Variants in DUOX1 observed in about 807,000 individuals in gnomAD.
DUOX1 encodes the protein dual oxidase 1.
DUOX1 carries 134 observed loss-of-function variants against 181.8 expected under a neutral mutation model. That is an observed-to-expected ratio of 0.74 (90% CI 0.64 to 0.85). The LOEUF (loss-of-function observed/expected upper bound fraction) is 0.85, where lower values mean the gene tolerates loss of function less well. Among genes scored for constraint, DUOX1 ranks in the 40% least tolerant of loss-of-function variants. The probability of loss-of-function intolerance (pLI) is 0.00; values close to 1 mark genes in which losing one functional copy is unlikely to be tolerated. For missense variants in DUOX1, 1,814 were observed against 2,064.4 expected (o/e 0.88, Z 2.35); for synonymous variants, 798 against 832.5 (o/e 0.96, Z 0.71).
Position 45,163,882 on chromosome 15 carries a change from G to T in DUOX1, c.4497G>T (p.Glu1499Asp). The change falls in exon 33 of 34, where the codon GAG (glutamate) becomes GAT (aspartate). Residue 1499 changes from glutamate to aspartate, a missense_variant. Coordinates refer to ENST00000389037, the MANE Select transcript of DUOX1 (RefSeq NM_175940.3). ...CCCACTTTGGCCGTCCCCCCTTTGAGCCCTTCTTCAACTCCCTGCAGGAGG... is the reference window on the plus strand; with the variant it reads ...CCCACTTTGGCCGTCCCCCCTTTGATCCCTTCTTCAACTCCCTGCAGGAGG... Reference protein sequence around the residue: ...SITHFGRPPFEPFFNSLQEVH... With the variant: ...SITHFGRPPFDPFFNSLQEVH... 1 of 1,614,098 alleles carries T rather than the reference G, an allele frequency of 6.2e-7. No individual in the cohort carries two copies. The highest frequency in any genetic ancestry group is 8.5e-7 in the Non-Finnish European group (1 of 1,180,012).
At chr15:45,148,679 AC>A (rs1464361852) in intron 21 of DUOX1, 1 of 232,700 alleles carries the variant, frequency 4.3e-6, no homozygotes, top group Non-Finnish European at 7.4e-6. Context: ...GGAGGAAAGG[AC>A]CCAAAAAGGT....
At chr15:45,156,710 C>T (rs7174075) in intron 28 of DUOX1, among the ~76,000 whole-genome samples, 24,907 of 152,150 alleles carry the variant, frequency 0.16, 2,447 homozygotes, top group East Asian at 0.42. Context: ...GGATTACAGG[C>T]GTGAGCCACC....
In DUOX1 at chr15:45,144,117, G is replaced by A. The variant is rs772465380; in HGVS notation, c.2018G>A (p.Gly673Asp). 1 of 1,613,986 alleles carries A rather than the reference G, an allele frequency of 6.2e-7. No individual in the cohort carries two copies. The highest frequency in any genetic ancestry group is 2.2e-5 in the East Asian group (1 of 44,886). Reference sequence around the variant, plus strand: ...CCCGGGCAGATCCGTGTGGTAGATGGCAGGCTCACCGTGCTCCGCACCATC... The same window carrying A: ...CCCGGGCAGATCCGTGTGGTAGATGACAGGCTCACCGTGCTCCGCACCATC... The part of the protein sequence containing the change: ...LQPGQIRVVD[G>D]RLTVLRTIQL... The change falls in exon 17 of 34, where the codon GGC (glycine) becomes GAC (aspartate). Residue 673 changes from glycine (G) to aspartate (D), a missense_variant. By Grantham distance (94) the Gly-to-Asp change is moderately conservative. This residue lies in a region of DUOX1 where 1,064 missense variants were observed against 1,152.9 expected (regional missense o/e 0.92). Coordinates refer to ENST00000389037, the MANE Select transcript of DUOX1 (RefSeq NM_175940.3).
chr15:45,152,872 C>T (rs1206469448), intron 25 of DUOX1: 4 of 399,954 alleles, frequency 1.0e-5, no homozygotes, highest in South Asian at 4.7e-5. Flanking sequence ...CACATGGTTG[C>T]GCACATGGAT....
chr15:45,144,178 G>T lies in DUOX1; in HGVS notation c.2079G>T (p.Leu693=). 1 of 1,614,156 alleles carries T rather than the reference G, an allele frequency of 6.2e-7. No homozygotes were observed. Among genetic ancestry groups the T allele is most frequent in the Non-Finnish European group, 8.5e-7 (1 of 1,180,052 alleles). Residue 693 remains leucine, a synonymous_variant, in exon 17 of 34, where the codon CTG becomes CTT. Coordinates refer to ENST00000389037, the MANE Select transcript of DUOX1 (RefSeq NM_175940.3). ...LQPPQKVNFV[L]SSNRGRRTLL... The stretch of plus-strand genomic sequence containing the variant: ...CTCCACAGAAGGTCAACTTCGTCCT[G>T]TCCAGCAACCGTGGACGCCGCACTC...
chr15:45,152,124 G>A (rs2141288156), intron 24 of DUOX1, 72 bp downstream of exon 24: 1 of 1,552,076 alleles, frequency 6.4e-7, no homozygotes, highest in Non-Finnish European at 8.7e-7. Flanking sequence ...GGTGGGGCCT[G>A]CGATAAGTGC....
Position 45,151,026 on chromosome 15 carries a change from C to A in DUOX1, c.2889-97C>A, listed in dbSNP as rs1896787775. 2.0e-6 allele frequency: 3 copies of A among 1,537,140 alleles called. No homozygotes were observed. In the Admixed American group the frequency reaches 5.3e-5, roughly 27 times the overall value. On this transcript the variant is annotated intron_variant, in intron 22 of 33. Transcript: ENST00000389037. ...CTGTCCCCTTGCTGACAGCTCTGAT[C>A]CTTCCTCAGCAGAATGGGTTTGGAG... is the stretch of plus-strand genomic sequence containing the variant.
intron 2 of DUOX1, among the ~76,000 whole-genome samples, chr15:45,132,349 G>A: frequency 6.6e-6 from 1 of 152,180 alleles, no homozygotes; most frequent in East Asian, 1.9e-4. Flanking sequence ...CTCAAAATAG[G>A]AAAAGATTGA....
At chr15:45,138,858 G>C (rs1896409535) in intron 10 of DUOX1, 1 of 576,590 alleles carries the variant, frequency 1.7e-6, no homozygotes, top group Admixed American at 3.2e-5. Context: ...TGCTTGTATA[G>C]ACCTCTGTCA....
At chr15:45,157,607 C>G (rs1896996013) in intron 28 of DUOX1, among the ~76,000 whole-genome samples, 1 of 151,958 alleles carries the variant, frequency 6.6e-6, no homozygotes, top group South Asian at 2.1e-4. Flanking sequence ...TCACCTGAGG[C>G]CAGGAGCTCA....
intron 15 of DUOX1, among the ~76,000 whole-genome samples, 170 bp from the exon 16 acceptor site, chr15:45,143,020 G>A (rs988921422): frequency 5.3e-5 from 8 of 152,058 alleles, no homozygotes; most frequent in Non-Finnish European, 1.2e-4. Context: ...AGCTCCCCAT[G>A]GGATGCAGAG....
At chr15:45,135,011 A>G (rs1165026908) in intron 4 of DUOX1, 93 bp from the exon 5 acceptor site, 5 of 1,481,302 alleles carry the variant, frequency 3.4e-6, no homozygotes, top group Non-Finnish European at 4.6e-6. Context: ...GAGTCTTTTG[A>G]AGCTTCAGGG....
chr15:45,138,110 G>A, intron 10 of DUOX1, 96 bp downstream of exon 10: 2 of 991,008 alleles, frequency 2.0e-6, no homozygotes, highest in Non-Finnish European at 2.8e-6. Flanking sequence ...GTGTGTGAGT[G>A]CATGGTGAAA....
At chr15:45,158,773 C>T (rs1897027392) in intron 28 of DUOX1, among the ~76,000 whole-genome samples, 3 of 147,946 alleles carry the variant, frequency 2.0e-5, no homozygotes, top group Admixed American at 6.7e-5. Flanking sequence ...TGTACTAGCT[C>T]TCTGTAGGGC....
chr15:45,139,285 C>G, intron 11 of DUOX1, 117 bp downstream of exon 11: 2 of 1,597,214 alleles, frequency 1.3e-6, no homozygotes, highest in Non-Finnish European at 1.7e-6. Context: ...GCACTGCACT[C>G]ACTGATGAAA....
In DUOX1 at chr15:45,137,933, C is replaced by T; in HGVS notation, c.1032C>T (p.Ser344=). 2 of 1,605,644 alleles carry T rather than the reference C, an allele frequency of 1.2e-6. No individual in the cohort carries two copies. Among genetic ancestry groups the T allele is most frequent in the South Asian group, 1.1e-5 (1 of 89,772 alleles). The part of the protein sequence containing the change: ...VPPGVYMRNA[S]CHFQGVINRN... Reference sequence around the variant, plus strand: ...GCTCCTTGCATTTCAGAAATGCCAGCTGCCACTTCCAGGGGGTCATCAATC... The same window carrying T: ...GCTCCTTGCATTTCAGAAATGCCAGTTGCCACTTCCAGGGGGTCATCAATC... Residue 344 remains serine (S), a synonymous_variant, in exon 10 of 34, where the codon AGC becomes AGT. Transcript: ENST00000389037.
rs1300595851 is a variant in DUOX1 at position 45,134,242 on chromosome 15, C to T, written c.240C>T (p.Asn80=). 6.3e-6 allele frequency: 10 copies of T among 1,589,564 alleles called. No homozygotes were observed. The highest frequency in any genetic ancestry group is 3.7e-5 in the Admixed American group (2 of 54,350). Reference sequence around the variant, plus strand: ...TGCCCAACCCCCGAGACCTTAGCAACACCATCTCAAGGGGCCCTGCAGGGC... The same window carrying T: ...TGCCCAACCCCCGAGACCTTAGCAATACCATCTCAAGGGGCCCTGCAGGGC... The part of the protein sequence containing the change: ...PHLPNPRDLS[N]TISRGPAGLA... The change falls in exon 4 of 34, where the codon AAC becomes AAT. Residue 80 remains asparagine (N), a synonymous_variant. Transcript: ENST00000389037.
At chr15:45,137,137 CG>C (rs1896341003) in intron 9 of DUOX1, among the ~76,000 whole-genome samples, 1 of 143,624 alleles carries the variant, frequency 7.0e-6, no homozygotes, top group African/African-American at 2.6e-5. Flanking sequence ...CACCTGAGGT[CG>C]GGAGTTAGAG....
rs755378106 is a variant in DUOX1 at position 45,141,344 on chromosome 15, G to T, written c.1618G>T (p.Val540Leu). 6.2e-7 allele frequency: 1 copy of T among 1,614,244 alleles called. No homozygotes were observed. The highest frequency in any genetic ancestry group is 8.5e-7 in the Non-Finnish European group (1 of 1,180,050). The change falls in exon 14 of 34, where the codon GTG (valine) becomes TTG (leucine). Residue 540 changes from valine to leucine, a missense_variant. By Grantham distance (32) the Val-to-Leu change is conservative. Transcript: ENST00000389037. ...EEIRNTTLQD[V>L]LVAVINIDPS... ...AATCCGAAATACCACCCTGCAGGAC[G>T]TGCTGGTCGCTGTTATCAACATTGA... is the stretch of plus-strand genomic sequence containing the variant.
Sources: gnomAD v4.1 joint callset for allele counts (sites outside exome capture counted in the v4.1 genomes callset) on GRCh38, gnomAD v4.1.1 for gene constraint, gnomAD v4.1.1 regional missense constraint, MANE v1.5 for transcripts, NCBI Gene and HGNC (gene_info 2026-07-23, HGNC 2026-07-21) for gene names.